The following CPXM1 variants were observed in gnomAD, a reference collection of about 807,000 sequenced individuals.
CPXM1 encodes carboxypeptidase X, M14 family member 1, also known as probable carboxypeptidase X1.
In CPXM1, 72 loss-of-function variants were observed where a neutral mutation model predicts 80.4. The observed-to-expected ratio is 0.90, with a 90% CI of 0.74 to 1.09. The LOEUF is 1.09. Ranked by LOEUF, CPXM1 falls within the 50% of genes least tolerant of loss-of-function variation. The pLI is 0.00. For synonymous variants in CPXM1, 403 were observed against 405.6 expected (o/e 0.99, Z 0.08); for missense variants, 892 against 999.4 (o/e 0.89, Z 1.45).
chr20:2,795,877 G>A lies in CPXM1; in HGVS notation c.1442C>T (p.Ala481Val), dbSNP rs1480378020. Residue 481 changes from alanine to valine, a missense_variant, in exon 11 of 14, where the codon GCA becomes GTA. This residue lies in a region of CPXM1 where 874 missense variants were observed against 958.4 expected (regional missense o/e 0.91). Coordinates refer to ENST00000380605, the MANE Select transcript of CPXM1 (RefSeq NM_019609.5). This position sits in a 1 kb window ranked among gnomAD's most constrained non-coding sequence, Gnocchi z 5.4. ...PNATVAPETR[A>V]VIKWMKRIPF... ...GATCCGCTTCATCCACTTGATTACT[G>A]CCCGCGTTTCAGGAGCCACCTGGAT... 3 of 1,610,200 alleles carry A rather than the reference G, an allele frequency of 1.9e-6. No individual in the cohort carries two copies. The highest frequency in any genetic ancestry group is 2.5e-6 in the Non-Finnish European group (3 of 1,177,548).
rs1258811496 is a variant in CPXM1 at position 2,797,279 on chromosome 20, C to T, written c.745G>A (p.Ala249Thr). Residue 249 changes from alanine to threonine, a missense_variant, in exon 6 of 14, where the codon GCC becomes ACC. By Grantham distance (58) the Ala-to-Thr change is moderately conservative. Transcript: ENST00000380605. Reference sequence around the variant, plus strand: ...TGGGGCAGCAGGCGAATGAAGCGGGCCACCTGGGGCTCCGGCAGGAGGTTC... The same window carrying T: ...TGGGGCAGCAGGCGAATGAAGCGGGTCACCTGGGGCTCCGGCAGGAGGTTC... ...VLNLLPEPQV[A>T]RFIRLLPQTW... is the part of the protein sequence containing the mutation. The T allele has an allele frequency of 5.1e-6, 8 of 1,567,216 alleles. No individual in the cohort carries two copies. The highest frequency in any genetic ancestry group is 6.9e-6 in the Non-Finnish European group (8 of 1,155,104).
At chr20:2,798,558 T>C in intron 2 of CPXM1, 21 bp from the exon 3 acceptor site, 1 of 1,604,072 alleles carries the variant, frequency 6.2e-7, no homozygotes, top group Non-Finnish European at 8.5e-7. Context: ...GATAGAACAG[T>C]GAGACAGGAC....
In CPXM1 at chr20:2,794,346, C is replaced by T; in HGVS notation, c.2049G>A (p.Arg683=). 1.2e-6 allele frequency: 2 copies of T among 1,614,176 alleles called. No individual in the cohort carries two copies. The highest frequency in any genetic ancestry group is 1.7e-6 in the Non-Finnish European group (2 of 1,180,038). The change falls in exon 14 of 14, where the codon CGG becomes CGA. Residue 683 remains arginine, a synonymous_variant. Transcript: ENST00000380605. This position sits in a 1 kb window ranked among gnomAD's most constrained non-coding sequence, Gnocchi z 5.2. ...CCTCTTCAAAGGTGACCCGACAGTT[C>T]CGTGTCACTGAATGGTAGCCCTCGG... The part of the protein sequence containing the change: ...ASAEGYHSVT[R]NCRVTFEEGP...
intron 1 of CPXM1, 119 bp from the exon 2 acceptor site, chr20:2,799,012 C>T: frequency 1.0e-6 from 1 of 1,004,704 alleles, no homozygotes; most frequent in Non-Finnish European, 1.5e-6. Context: ...CAGGATCTAA[C>T]AGCCTTCACA....
In CPXM1 at chr20:2,800,453, C is replaced by A; in HGVS notation, c.120G>T (p.Ser40=). 1 of 1,499,896 alleles carries A rather than the reference C, an allele frequency of 6.7e-7. No individual in the cohort carries two copies. Among genetic ancestry groups the A allele is most frequent in the Non-Finnish European group, 8.8e-7 (1 of 1,131,940 alleles). 92.9% of individuals were successfully genotyped at this position (1,499,896 alleles called of 1,614,324 possible). A position where few individuals can be genotyped will look rare whatever the true frequency, so the allele number is the denominator to read the frequency against. Residue 40 remains serine (S), a synonymous_variant, in exon 1 of 14, where the codon TCG becomes TCT. Coordinates refer to ENST00000380605, the MANE Select transcript of CPXM1 (RefSeq NM_019609.5). The part of the protein sequence containing the change: ...AQPGTTKVPG[S]TPALHSSPAQ... ...CCGGGCTGCTATGCAGGGCCGGGGT[C>A]GAGCCTGGGACCTTGGTGGTCCCGG...
At position 2,796,994 on chromosome 20, in the gene CPXM1, G is replaced by T; in HGVS notation, c.921+12C>A. 1 of 1,611,466 alleles carries T rather than the reference G, an allele frequency of 6.2e-7. No individual in the cohort carries two copies. Among genetic ancestry groups the T allele is most frequent in the South Asian group, 1.1e-5 (1 of 91,008 alleles). ...GGGCCCTCCTTCCCAGGTCATAGGG[G>T]TTATATCTGACCTTCCTCATGGCCT... On this transcript the variant is annotated intron_variant, in intron 7 of 13. Coordinates refer to ENST00000380605, the MANE Select transcript of CPXM1 (RefSeq NM_019609.5). This position sits in a 1 kb window ranked among gnomAD's most constrained non-coding sequence, Gnocchi z 6.8.
At chr20:2,798,389 C>G (rs1012348378) in intron 3 of CPXM1, 39 bp downstream of exon 3, 9 of 1,604,888 alleles carry the variant, frequency 5.6e-6, no homozygotes, top group Non-Finnish European at 7.7e-6. Flanking sequence ...GGCTGCCTTC[C>G]CTACCCTGAG....
intron 5 of CPXM1, 24 bp downstream of exon 5, chr20:2,797,944 C>G: frequency 1.2e-6 from 2 of 1,609,154 alleles, no homozygotes; most frequent in East Asian, 2.2e-5. Flanking sequence ...GCATGGAGGC[C>G]CCAGCCACAG....
Position 2,796,936 on chromosome 20 carries a change from G to A in CPXM1, c.921+70C>T, listed in dbSNP as rs565657745. The A allele has an allele frequency of 8.1e-5, 114 of 1,413,244 alleles. No individual in the cohort carries two copies. The highest frequency in any genetic ancestry group is 1.0e-4 in the Non-Finnish European group (101 of 1,003,680). The allele number at this position is 1,413,244 out of a possible 1,614,324, so 87.5% of individuals were successfully genotyped here. On this transcript the variant is annotated intron_variant, in intron 7 of 13. Coordinates refer to ENST00000380605, the MANE Select transcript of CPXM1 (RefSeq NM_019609.5). The surrounding 1 kb of genome is among the most constrained non-coding windows in gnomAD (Gnocchi z 6.8). ...GCGCAGTCACAGCAGGTTGTGCCCC[G>A]GTGGGAAGGTGGGAAGGGGACCTGA...
intron 1 of CPXM1, among the ~76,000 whole-genome samples, chr20:2,800,154 AGT>A (rs1367667427): frequency 2.1e-5 from 3 of 146,028 alleles, no homozygotes; most frequent in African/African-American, 7.7e-5. Context: ...CGCGCGTGTG[AGT>A]GTGCGTGTGT....
At position 2,797,279 on chromosome 20, in the gene CPXM1, C is replaced by A; in HGVS notation, c.745G>T (p.Ala249Ser). The A allele has an allele frequency of 1.9e-6, 3 of 1,567,218 alleles. No homozygotes were observed. Among genetic ancestry groups the A allele is most frequent in the African/African-American group, 1.3e-5 (1 of 74,102 alleles). The change falls in exon 6 of 14, where the codon GCC becomes TCC. Residue 249 changes from alanine (A) to serine (S), a missense_variant. Coordinates refer to ENST00000380605, the MANE Select transcript of CPXM1 (RefSeq NM_019609.5). ...VLNLLPEPQV[A>S]RFIRLLPQTW... ...TGGGGCAGCAGGCGAATGAAGCGGG[C>A]CACCTGGGGCTCCGGCAGGAGGTTC...
chr20:2,797,319 T>C lies in CPXM1; in HGVS notation c.705A>G (p.Pro235=), dbSNP rs1362465128. The C allele has an allele frequency of 2.0e-6, 3 of 1,525,234 alleles. No individual in the cohort carries two copies. In the Admixed American group the frequency reaches 6.2e-5, roughly 32 times the overall value. 94.5% of individuals were successfully genotyped at this position (1,525,234 alleles called of 1,614,324 possible). ...MDAVFPANSD[P]ETPVLNLLPE... ...GCAGGAGGTTCAGCACTGGAGTTTC[T>C]GGGTCTGAATTGGCAGGAAATACCT... Residue 235 remains proline (P), a synonymous_variant, in exon 6 of 14, where the codon CCA becomes CCG. Transcript: ENST00000380605.
At chr20:2,800,304 G>C (rs2088556886) in intron 1 of CPXM1, 97 bp downstream of exon 1, 1 of 1,124,334 alleles carries the variant, frequency 8.9e-7, no homozygotes, top group East Asian at 3.2e-5. Context: ...GTGCGTGGGT[G>C]TGCGTGTGCC....
chr20:2,795,652 A>T lies in CPXM1; in HGVS notation c.1667T>A (p.Phe556Tyr), dbSNP rs1198238076. ...TSRRPCHSQD[F>Y]SVHGNIINGA... is the part of the protein sequence containing the mutation. ...GTTGATGATGTTGCCGTGCACGGAG[A>T]AGTCCTGGCTGTGGCAGGGTCGGCG... Residue 556 changes from phenylalanine to tyrosine, a missense_variant, in exon 11 of 14, where the codon TTC becomes TAC. Coordinates refer to ENST00000380605, the MANE Select transcript of CPXM1 (RefSeq NM_019609.5). The surrounding 1 kb of genome is among the most constrained non-coding windows in gnomAD (Gnocchi z 5.4). The T allele has an allele frequency of 6.2e-7, 1 of 1,614,074 alleles. No individual in the cohort carries two copies. The highest frequency in any genetic ancestry group is 1.7e-5 in the Admixed American group (1 of 60,014).
In CPXM1 at chr20:2,795,085, A is replaced by ATGCCACGC. The variant is rs2088490858; in HGVS notation, c.1860+184_1860+191dup. 6.6e-6 allele frequency among the ~76,000 whole-genome samples: 1 copy of ATGCCACGC among 152,120 alleles called. No homozygotes were observed. Among genetic ancestry groups the ATGCCACGC allele is most frequent in the East Asian group, 1.9e-4 (1 of 5,188 alleles). ...GGCTCCTCCCACCGGCTCTAACACG[A>ATGCCACGC]TGCCACGCTGCCAGCAAACTGCACT... On this transcript the variant is annotated intron_variant, in intron 12 of 13. Coordinates refer to ENST00000380605, the MANE Select transcript of CPXM1 (RefSeq NM_019609.5). The surrounding 1 kb of genome is among the most constrained non-coding windows in gnomAD (Gnocchi z 5.4).
chr20:2,798,086 C>T (rs1230108521), intron 4 of CPXM1, 28 bp from the exon 5 acceptor site: 4 of 1,613,758 alleles, frequency 2.5e-6, no homozygotes, highest in Non-Finnish European at 1.7e-6. Context: ...GAGAGATCAT[C>T]GGTGCCCCCA....
chr20:2,799,911 C>T (rs2088549861), intron 1 of CPXM1, among the ~76,000 whole-genome samples: 1 of 152,214 alleles, frequency 6.6e-6, no homozygotes, highest in Non-Finnish European at 1.5e-5. Flanking sequence ...TGTCTCCCCT[C>T]CTGCCAGTTC....
Position 2,795,452 on chromosome 20 carries a change from G to A in CPXM1, c.1721-36C>T, listed in dbSNP as rs2088494917. ...CACAGACACTGCTGCCTAAGCAGGC[G>A]GGATGCGGTCCCATCCTCCCGCTAC... is the stretch of plus-strand genomic sequence containing the variant. On this transcript the variant is annotated intron_variant, in intron 11 of 13. Coordinates refer to ENST00000380605, the MANE Select transcript of CPXM1 (RefSeq NM_019609.5). The surrounding 1 kb of genome is among the most constrained non-coding windows in gnomAD (Gnocchi z 5.4). 2.5e-6 allele frequency: 4 copies of A among 1,606,546 alleles called. No individual in the cohort carries two copies. Among genetic ancestry groups the A allele is most frequent in the Middle Eastern group, 1.7e-4 (1 of 5,926 alleles).
Position 2,800,418 on chromosome 20 carries a change from G to T in CPXM1, c.155C>A (p.Pro52Gln). 1.3e-6 allele frequency: 2 copies of T among 1,530,374 alleles called. No individual in the cohort carries two copies. 94.8% of individuals were successfully genotyped at this position (1,530,374 alleles called of 1,614,324 possible). The change falls in exon 1 of 14, where the codon CCG becomes CAG. Residue 52 changes from proline to glutamine, a missense_variant. Physicochemically the swap from Pro to Gln is moderately conservative, Grantham distance 76 (BLOSUM62 -1). Around this residue, in one of 2 missense-constraint regions of CPXM1, gnomAD observed 874 missense variants for 958.4 expected, o/e 0.91. Transcript: ENST00000380605. ...PALHSSPAQP[P>Q]AETANGTSEQ... ...GAACTCACCGTTAGCTGTCTCCGCC[G>T]GCGGCTGTGCCGGGCTGCTATGCAG...
Sources: allele counts gnomAD v4.1 joint callset (sites outside exome capture counted in the v4.1 genomes callset), GRCh38; gene constraint gnomAD v4.1.1; regional missense constraint gnomAD v4.1.1; non-coding constraint Gnocchi (gnomAD v3.1); transcripts MANE v1.5; gene names NCBI Gene and HGNC (gene_info 2026-07-23, HGNC 2026-07-21).